The following CTNNBL1 variants were observed in gnomAD, a reference collection of about 807,000 sequenced individuals.
CTNNBL1 encodes the protein beta-catenin-like protein 1.
In CTNNBL1, 31 loss-of-function variants were observed where a neutral mutation model predicts 72.7. That is an observed-to-expected ratio of 0.43 (90% CI 0.32 to 0.58). The LOEUF (loss-of-function observed/expected upper bound fraction) is 0.58. Among genes scored for constraint, CTNNBL1 ranks in the 20% least tolerant of loss-of-function variants. The pLI is 0.08. For missense variants in CTNNBL1, 534 were observed against 725.1 expected (o/e 0.74, Z 3.03); for synonymous variants, 240 against 267.3 (o/e 0.90, Z 1.00).
chr20:37,774,900 ATTTCTTT>A (rs1348553027), intron 7 of CTNNBL1, among the ~76,000 whole-genome samples: 1 of 151,740 alleles, frequency 6.6e-6, no homozygotes, highest in African/African-American at 2.4e-5. Flanking sequence ...TTTTTTTTCT[ATTTCTTT>A]TTTCTTTTTT....
intron 1 of CTNNBL1, among the ~76,000 whole-genome samples, chr20:37,704,341 G>T (rs2072867997): frequency 6.6e-6 from 1 of 152,150 alleles, no homozygotes; most frequent in Non-Finnish European, 1.5e-5. Context: ...AGGCTTTATG[G>T]AGGGAGCGCT....
intron 13 of CTNNBL1, among the ~76,000 whole-genome samples, chr20:37,858,477 A>G (rs891223021): frequency 6.6e-6 from 1 of 152,226 alleles, no homozygotes; most frequent in Non-Finnish European, 1.5e-5. Flanking sequence ...TTATGGACAT[A>G]GCTGAAAAAT....
intron 10 of CTNNBL1, among the ~76,000 whole-genome samples, chr20:37,786,120 C>G (rs768197197): frequency 6.6e-5 from 10 of 152,224 alleles, no homozygotes; most frequent in Non-Finnish European, 1.5e-4. Context: ...GTCTCTCTCT[C>G]TCTCTGTGCT....
intron 1 of CTNNBL1, among the ~76,000 whole-genome samples, chr20:37,718,452 G>T (rs541274348): frequency 7.9e-6 from 1 of 126,454 alleles, no homozygotes; most frequent in Non-Finnish European, 1.7e-5. Flanking sequence ...GTGGCTGGCC[G>T]GGCGGGGGGC....
chr20:37,838,040 G>A (rs1335144796), intron 11 of CTNNBL1, among the ~76,000 whole-genome samples: 2 of 152,376 alleles, frequency 1.3e-5, no homozygotes, highest in East Asian at 3.9e-4. Flanking sequence ...TCAAAGGAAA[G>A]CCTCGCTGAG....
At chr20:37,856,569 G>C (rs1176693407) in intron 13 of CTNNBL1, among the ~76,000 whole-genome samples, 2 of 150,892 alleles carry the variant, frequency 1.3e-5, no homozygotes, top group Non-Finnish European at 2.9e-5. Flanking sequence ...TGGGGTGAGG[G>C]GGAGTGAGCA....
chr20:37,822,101 T>C (rs2072113022), intron 11 of CTNNBL1, among the ~76,000 whole-genome samples: 1 of 152,210 alleles, frequency 6.6e-6, no homozygotes, highest in African/African-American at 2.4e-5. Context: ...ATTAGTATCA[T>C]GCTAGAGAAT....
chr20:37,869,822 G>A (rs769829204), intron 15 of CTNNBL1, among the ~76,000 whole-genome samples: 5 of 152,164 alleles, frequency 3.3e-5, no homozygotes, highest in Non-Finnish European at 7.4e-5. Context: ...CCACCCAAGG[G>A]CACAGTTGTG....
intron 4 of CTNNBL1, among the ~76,000 whole-genome samples, chr20:37,746,889 C>T (rs1178970196): frequency 6.6e-6 from 1 of 152,246 alleles, no homozygotes; most frequent in African/African-American, 2.4e-5. Context: ...ACATTAACAG[C>T]TTTACTTTTC....
chr20:37,762,693 A>G (rs2073428625), intron 5 of CTNNBL1, among the ~76,000 whole-genome samples: 1 of 152,216 alleles, frequency 6.6e-6, no homozygotes, highest in South Asian at 2.1e-4. Context: ...GAATGCTAAT[A>G]TGTACTTTTA....
chr20:37,705,484 C>A (rs769981160), intron 1 of CTNNBL1, among the ~76,000 whole-genome samples: 15 of 152,006 alleles, frequency 9.9e-5, no homozygotes, highest in Non-Finnish European at 2.1e-4. Context: ...TTTTTTAATT[C>A]TACAAAATTG....
At chr20:37,716,302 C>G (rs1047791098) in intron 1 of CTNNBL1, among the ~76,000 whole-genome samples, 1 of 152,092 alleles carries the variant, frequency 6.6e-6, no homozygotes, top group Non-Finnish European at 1.5e-5. Context: ...TTATAGGTTC[C>G]TTGAGAGAAT....
At chr20:37,701,520 T>C (rs1384204896) in intron 1 of CTNNBL1, among the ~76,000 whole-genome samples, 1 of 152,160 alleles carries the variant, frequency 6.6e-6, no homozygotes, top group African/African-American at 2.4e-5. Context: ...GGGAGCACAA[T>C]GGAAGGAACG....
chr20:37,724,869 C>T (rs551056661), intron 1 of CTNNBL1, among the ~76,000 whole-genome samples: 2 of 150,278 alleles, frequency 1.3e-5, no homozygotes, highest in Non-Finnish European at 3.0e-5. Context: ...TCATTGGGTA[C>T]CAAAAAATGG....
chr20:37,776,514 A>G (rs238302), intron 7 of CTNNBL1, among the ~76,000 whole-genome samples: 102,696 of 152,052 alleles, frequency 0.68, 34,775 homozygotes, highest in East Asian at 0.84. Context: ...CATTGTTTAC[A>G]TGCCTGCATT....
At chr20:37,792,182 C>T (rs1463455628) in intron 10 of CTNNBL1, among the ~76,000 whole-genome samples, 1 of 152,120 alleles carries the variant, frequency 6.6e-6, no homozygotes, top group African/African-American at 2.4e-5. Context: ...TAATCTGTGC[C>T]TATTTTTCTC....
intron 1 of CTNNBL1, among the ~76,000 whole-genome samples, chr20:37,727,777 G>A (rs540529883): frequency 6.6e-6 from 1 of 152,198 alleles, no homozygotes; most frequent in Non-Finnish European, 1.5e-5. Context: ...GTTGACCTCT[G>A]TGACAGGCTG....
rs550461374 is a variant in CTNNBL1 at position 37,827,286 on chromosome 20, G to A, written c.1214-12816G>A. ...GCTGCTATAAACATTTTTTGTACAA[G>A]TTTTATTGTGGTAATATGTTTTCAT... On this transcript the variant is annotated intron_variant, in intron 11 of 15. Coordinates refer to ENST00000361383, the MANE Select transcript of CTNNBL1 (RefSeq NM_030877.5). 5.9e-5 allele frequency among the ~76,000 whole-genome samples: 9 copies of A among 152,238 alleles called. No homozygotes were observed. In the East Asian group the frequency reaches 1.5e-3, roughly 26 times the overall value.
intron 13 of CTNNBL1, among the ~76,000 whole-genome samples, chr20:37,846,218 C>T (rs577495173): frequency 4.0e-5 from 6 of 151,862 alleles, no homozygotes; most frequent in East Asian, 1.9e-4. Flanking sequence ...GCTGAGCATT[C>T]GTGCTGAACC....
Sources: gnomAD v4.1 joint callset for allele counts (sites outside exome capture counted in the v4.1 genomes callset) on GRCh38, gnomAD v4.1.1 for gene constraint, MANE v1.5 for transcripts, NCBI Gene and HGNC (gene_info 2026-07-23, HGNC 2026-07-21) for gene names.